ANKIB1: variants seen among roughly 807,000 people sequenced by gnomAD.
ANKIB1 encodes the protein ankyrin repeat and IBR domain containing 1, also known as ankyrin repeat and IBR domain-containing protein 1.
In ANKIB1, 43 loss-of-function variants were observed where a neutral mutation model predicts 122.1. The ratio of observed to expected loss-of-function variants is 0.35; its 90% CI spans 0.28 to 0.45. The LOEUF is 0.45. Ranked by LOEUF, ANKIB1 falls within the 20% of genes least tolerant of loss-of-function variation. The pLI is 1.00. For synonymous variants in ANKIB1, 390 were observed against 442.0 expected (o/e 0.88, Z 1.48); for missense variants, 992 against 1,329.5 (o/e 0.75, Z 3.95).
rs1280909361 is a variant in ANKIB1, at chr7:92,371,530, A to G, written c.1540A>G (p.Thr514Ala). The G allele has an allele frequency of 1.9e-6, 3 of 1,606,500 alleles. No homozygotes were observed. The highest frequency in any genetic ancestry group is 2.7e-5 in the African/African-American group (2 of 74,976). ...TGCCGCCAATTGTCTCTGGTTATTAACTAACTCCAAGCCTTGTGCCAACTG... is the reference window on the plus strand; with the variant it reads ...TGCCGCCAATTGTCTCTGGTTATTAGCTAACTCCAAGCCTTGTGCCAACTG... Reference protein sequence around the residue: ...EDAANCLWLLTNSKPCANCKS... With the variant: ...EDAANCLWLLANSKPCANCKS... The change falls in exon 11 of 20, where the codon ACT (threonine) becomes GCT (alanine). Residue 514 changes from threonine (T) to alanine (A), a missense_variant. Thr to Ala is a moderately conservative substitution (Grantham distance 58). Transcript: ENST00000265742.
intron 5 of ANKIB1, among the ~76,000 whole-genome samples, chr7:92,333,381 T>TA (rs1803217332): frequency 6.6e-6 from 1 of 152,176 alleles, no homozygotes. Flanking sequence ...ACAAGGGTGT[T>TA]ACCCTCCCTC....
At chr7:92,306,384 G>A (rs183285986) in intron 2 of ANKIB1, among the ~76,000 whole-genome samples, 88 of 152,178 alleles carry the variant, frequency 5.8e-4, no homozygotes, top group Non-Finnish European at 9.9e-4. Context: ...TTTGGCAGTA[G>A]TAAAGGCAAC....
chr7:92,329,626 A>G (rs1282973119), intron 5 of ANKIB1, among the ~76,000 whole-genome samples: 2 of 152,210 alleles, frequency 1.3e-5, no homozygotes, highest in Non-Finnish European at 2.9e-5. Flanking sequence ...ATGGATGATC[A>G]CAGCTGGACT....
intron 1 of ANKIB1, among the ~76,000 whole-genome samples, chr7:92,275,576 C>G (rs941907989): frequency 6.6e-6 from 1 of 151,898 alleles, no homozygotes; most frequent in Non-Finnish European, 1.5e-5. Context: ...TAATTCAATC[C>G]CAAATGGCAA....
intron 4 of ANKIB1, among the ~76,000 whole-genome samples, chr7:92,323,586 T>A (rs1802960537): frequency 6.6e-6 from 1 of 152,226 alleles, no homozygotes; most frequent in African/African-American, 2.4e-5. Flanking sequence ...TTTTGTCTAC[T>A]ATTTTCACAA....
At chr7:92,296,188 T>G (rs907505897) in intron 2 of ANKIB1, among the ~76,000 whole-genome samples, 1 of 152,064 alleles carries the variant, frequency 6.6e-6, no homozygotes, top group Non-Finnish European at 1.5e-5. Flanking sequence ...AGTATCCCCC[T>G]CTTTCTCACT....
intron 1 of ANKIB1, among the ~76,000 whole-genome samples, chr7:92,289,468 A>C (rs768319898): frequency 6.6e-6 from 1 of 152,208 alleles, no homozygotes; most frequent in Non-Finnish European, 1.5e-5. Flanking sequence ...TACCTGATAA[A>C]CTAGATAACA....
At chr7:92,351,652 T>A (rs1803665133) in intron 8 of ANKIB1, among the ~76,000 whole-genome samples, 1 of 152,008 alleles carries the variant, frequency 6.6e-6, no homozygotes, top group Admixed American at 6.6e-5. Flanking sequence ...ACATTTTAAC[T>A]GCTTTGTGCA....
intron 3 of ANKIB1, among the ~76,000 whole-genome samples, chr7:92,315,356 AG>A (rs1243433111): frequency 6.6e-6 from 1 of 152,220 alleles, no homozygotes; most frequent in African/African-American, 2.4e-5. Flanking sequence ...CTAAAGTGTT[AG>A]GGAATAAAGA....
chr7:92,250,408 A>G (rs1333595819), intron 1 of ANKIB1, among the ~76,000 whole-genome samples: 2 of 152,166 alleles, frequency 1.3e-5, no homozygotes, highest in African/African-American at 4.8e-5. Context: ...TAAATAAATC[A>G]ATAAAGCAGA....
chr7:92,391,824 A>G (rs1418763455), intron 16 of ANKIB1, among the ~76,000 whole-genome samples: 2 of 152,068 alleles, frequency 1.3e-5, no homozygotes, highest in Admixed American at 6.6e-5. Context: ...GTTGAGTTGT[A>G]GTTGTTTTAT....
chr7:92,310,051 A>C (rs1159909324), intron 3 of ANKIB1, among the ~76,000 whole-genome samples: 1 of 150,778 alleles, frequency 6.6e-6, no homozygotes, highest in Non-Finnish European at 1.5e-5. Flanking sequence ...TGACAATGAC[A>C]TACTTATTAA....
intron 10 of ANKIB1, 147 bp from the exon 11 acceptor site, chr7:92,371,330 A>C: frequency 1.5e-6 from 1 of 660,414 alleles, no homozygotes; most frequent in Non-Finnish European, 2.5e-6. Context: ...AGCAGTTTAA[A>C]AGTGTTGCCA....
At chr7:92,369,520 A>C (rs971408205) in intron 10 of ANKIB1, among the ~76,000 whole-genome samples, 3 of 152,148 alleles carry the variant, frequency 2.0e-5, no homozygotes, top group African/African-American at 7.2e-5. Flanking sequence ...GCCACTTCCC[A>C]GGGGTCAGTG....
At chr7:92,319,635 G>C (rs1802863142) in intron 4 of ANKIB1, 123 bp downstream of exon 4, 2 of 971,956 alleles carry the variant, frequency 2.1e-6, no homozygotes, top group Admixed American at 5.7e-5. Context: ...TAAATATCCT[G>C]TCATCTTCAT....
At chr7:92,255,733 A>G (rs1207282667) in intron 1 of ANKIB1, among the ~76,000 whole-genome samples, 1 of 152,156 alleles carries the variant, frequency 6.6e-6, no homozygotes, top group African/African-American at 2.4e-5. Flanking sequence ...TTCAGGATAA[A>G]GCCCCAGAAT....
At chr7:92,257,356 A>G (rs1332113252) in intron 1 of ANKIB1, among the ~76,000 whole-genome samples, 1 of 152,210 alleles carries the variant, frequency 6.6e-6, no homozygotes, top group African/African-American at 2.4e-5. Flanking sequence ...TAGATAGCAT[A>G]CTTATTAATT....
chr7:92,291,329 T>C (rs1232785295), intron 1 of ANKIB1, among the ~76,000 whole-genome samples: 1 of 151,976 alleles, frequency 6.6e-6, no homozygotes, highest in Admixed American at 6.6e-5. Context: ...GGTTTGTTTG[T>C]AACACAAGGA....
intron 5 of ANKIB1, among the ~76,000 whole-genome samples, chr7:92,330,067 A>G (rs971968702): frequency 3.9e-5 from 6 of 152,096 alleles, no homozygotes; most frequent in African/African-American, 1.4e-4. Flanking sequence ...CAGTCTTCCC[A>G]TTTCTTTCCC....
Sources: allele counts gnomAD v4.1 joint callset (sites outside exome capture counted in the v4.1 genomes callset), GRCh38; gene constraint gnomAD v4.1.1; transcripts MANE v1.5; gene names NCBI Gene and HGNC (gene_info 2026-07-23, HGNC 2026-07-21).